Variants in IL1RL1 observed in about 807,000 individuals in gnomAD.
The protein encoded by IL1RL1 is interleukin 1 receptor like 1.
Under a neutral mutation model 50.9 loss-of-function variants are expected in IL1RL1, and 32 were observed. That is an observed-to-expected ratio of 0.63 (90% confidence interval 0.47 to 0.84). The LOEUF (loss-of-function observed/expected upper bound fraction) is 0.84. Ranked by LOEUF, IL1RL1 falls within the 40% of genes least tolerant of loss-of-function variation. IL1RL1 has a pLI of 0.00. For missense variants in IL1RL1, 773 were observed against 662.9 expected (o/e 1.17, Z -1.82); for synonymous variants, 275 against 236.0 (o/e 1.17, Z -1.51).
At chr2:102,342,349 G>T in intron 6 of IL1RL1, 55 bp downstream of exon 6, 1 of 1,250,012 alleles carries the variant, frequency 8.0e-7, no homozygotes, top group South Asian at 1.2e-5. Flanking sequence ...CCTTCCATAT[G>T]ACCCCTGTTC....
chr2:102,330,854 T>C (rs981094040), intron 1 of IL1RL1, among the ~76,000 whole-genome samples: 1 of 152,208 alleles, frequency 6.6e-6, no homozygotes, highest in African/African-American at 2.4e-5. Flanking sequence ...GATTTTTGTA[T>C]CCATTTAAAA....
Position 102,311,918 on chromosome 2 carries a change from T to TTATATAATATATATTATATATAATATTA in IL1RL1, c.-150+350_-150+377dup, listed in dbSNP as rs1405331355. 2.9e-3 allele frequency among the ~76,000 whole-genome samples: 101 copies of TTATATAATATATATTATATATAATATTA among 34,832 alleles called. 4 individuals carry two copies. The highest frequency in any genetic ancestry group is 4.4e-3 in the African/African-American group (30 of 6,870). 22.9% of individuals were successfully genotyped at this position (34,832 alleles called of 152,430 possible). A position where few individuals can be genotyped will look rare whatever the true frequency, so the allele number is the denominator to read the frequency against. The stretch of plus-strand genomic sequence containing the variant: ...TATATCATATATGTTATATATTTTA[T>TTATATAATATATATTATATATAATATTA]TATATAATATATATTATATATAATA... On this transcript the variant is annotated intron_variant, in intron 1 of 10. Transcript: ENST00000233954.
At chr2:102,344,334 C>T (rs1394015295) in intron 8 of IL1RL1, 5 of 891,308 alleles carry the variant, frequency 5.6e-6, no homozygotes, top group African/African-American at 1.8e-5. Context: ...AACACAGACC[C>T]AAACCATACC....
At chr2:102,314,402 G>T (rs1310501299) in intron 1 of IL1RL1, among the ~76,000 whole-genome samples, 5 of 152,198 alleles carry the variant, frequency 3.3e-5, no homozygotes, top group African/African-American at 1.2e-4. Context: ...AGTTGGGTGT[G>T]TCTGAGCCCT....
chr2:102,312,006 T>A (rs1302404820), intron 1 of IL1RL1, among the ~76,000 whole-genome samples: 1 of 22,062 alleles, frequency 4.5e-5, no homozygotes, highest in Non-Finnish European at 7.3e-5. Context: ...AATATATTTA[T>A]ATATATTATA....
chr2:102,327,726 C>T (rs1274809840), intron 1 of IL1RL1, among the ~76,000 whole-genome samples: 1 of 152,160 alleles, frequency 6.6e-6, no homozygotes, highest in Non-Finnish European at 1.5e-5. Context: ...ACTATAAACA[C>T]CTCTATGCAA....
intron 1 of IL1RL1, among the ~76,000 whole-genome samples, chr2:102,315,335 C>G (rs989785180): frequency 2.0e-5 from 3 of 152,176 alleles, no homozygotes; most frequent in African/African-American, 7.2e-5. Context: ...CCTCTTCACT[C>G]TGGGGCATTA....
intron 1 of IL1RL1, among the ~76,000 whole-genome samples, chr2:102,326,350 A>T (rs1676997900): frequency 6.6e-6 from 1 of 152,202 alleles, no homozygotes; most frequent in Non-Finnish European, 1.5e-5. Flanking sequence ...CTCCTGAAGG[A>T]AGCACTAAAC....
At chr2:102,336,623 T>G (rs1435395496) in intron 1 of IL1RL1, among the ~76,000 whole-genome samples, 2 of 152,070 alleles carry the variant, frequency 1.3e-5, no homozygotes, top group African/African-American at 4.8e-5. Flanking sequence ...TCACTCCCCT[T>G]GAGGGAAGCT....
Position 102,343,347 on chromosome 2 carries a change from A to G in IL1RL1, c.902A>G (p.Tyr301Cys). 6.2e-7 allele frequency: 1 copy of G among 1,614,220 alleles called. No individual in the cohort carries two copies. Among genetic ancestry groups the G allele is most frequent in the African/African-American group, 1.3e-5 (1 of 75,064 alleles). The change falls in exon 8 of 11, where the codon TAC (tyrosine) becomes TGC (cysteine). Residue 301 changes from tyrosine to cysteine, a missense_variant. Transcript: ENST00000233954. Reference protein sequence around the residue: ...DVKEEDLLLQYDCLALNLHGL... With the variant: ...DVKEEDLLLQCDCLALNLHGL... ...AAGGAAGAGGATTTATTGCTGCAGTACGACTGTCTGGCCCTGAATTTGCAT... is the reference window on the plus strand; with the variant it reads ...AAGGAAGAGGATTTATTGCTGCAGTGCGACTGTCTGGCCCTGAATTTGCAT...
chr2:102,347,805 A>T, intron 8 of IL1RL1, 140 bp from the exon 9 acceptor site: 1 of 590,984 alleles, frequency 1.7e-6, no homozygotes, highest in Admixed American at 2.8e-5. Flanking sequence ...CTGTCCTGGT[A>T]CTTAAAGCAG....
intron 6 of IL1RL1, among the ~76,000 whole-genome samples, chr2:102,342,620 G>A (rs13016771): frequency 0.12 from 18,970 of 152,128 alleles, 1,476 homozygotes; most frequent in Middle Eastern, 0.32. Flanking sequence ...AGCCAGATCC[G>A]GTAAAACATG....
chr2:102,313,638 T>C (rs1676585950), intron 1 of IL1RL1, among the ~76,000 whole-genome samples: 1 of 152,194 alleles, frequency 6.6e-6, no homozygotes, highest in African/African-American at 2.4e-5. Flanking sequence ...CCTCCATACT[T>C]CCTGGTTTTC....
At chr2:102,312,072 T>C (rs1334334831) in intron 1 of IL1RL1, among the ~76,000 whole-genome samples, 1 of 102,656 alleles carries the variant, frequency 9.7e-6, no homozygotes. Flanking sequence ...ACATTATTGT[T>C]ATAATGTTAT....
In IL1RL1 at chr2:102,340,717, G is replaced by C; in HGVS notation, c.499G>C (p.Val167Leu). Residue 167 changes from valine to leucine, a missense_variant, in exon 5 of 11, where the codon GTC becomes CTC. Physicochemically the swap from Val to Leu is conservative, Grantham distance 32. Transcript: ENST00000233954. ...GTACAGGGCGCACAAGTCATTTTTG[G>C]TCATTGATAATGTGATGACTGAGGA... ...SRYRAHKSFL[V>L]IDNVMTEDAG... 2.5e-6 allele frequency: 4 copies of C among 1,600,028 alleles called. No homozygotes were observed. The highest frequency in any genetic ancestry group is 3.4e-6 in the Non-Finnish European group (4 of 1,176,078).
rs1470410507 is a variant in IL1RL1, at chr2:102,352,031, A to T, written c.*110A>T. The T allele has an allele frequency of 6.3e-6, 7 of 1,118,408 alleles. No individual in the cohort carries two copies. The highest frequency in any genetic ancestry group is 2.4e-5 in the Admixed American group (1 of 41,764). 69.3% of individuals were successfully genotyped at this position (1,118,408 alleles called of 1,614,324 possible). A position where few individuals can be genotyped will look rare whatever the true frequency, so the allele number is the denominator to read the frequency against. On this transcript the variant is annotated 3_prime_UTR_variant, in exon 11 of 11. Transcript: ENST00000233954. ...AGGAGCAGGAATATTAAAGGGATTCAGGCCTCAGGTTTCATCTGGTAACTT... is the reference window on the plus strand; with the variant it reads ...AGGAGCAGGAATATTAAAGGGATTCTGGCCTCAGGTTTCATCTGGTAACTT...
At chr2:102,336,112 A>C (rs1677317631) in intron 1 of IL1RL1, among the ~76,000 whole-genome samples, 1 of 152,194 alleles carries the variant, frequency 6.6e-6, no homozygotes, top group African/African-American at 2.4e-5. Flanking sequence ...CGCTGGCTCA[A>C]AAAACGTACT....
At chr2:102,336,412 A>C (rs1677328467) in intron 1 of IL1RL1, among the ~76,000 whole-genome samples, 1 of 152,204 alleles carries the variant, frequency 6.6e-6, no homozygotes, top group African/African-American at 2.4e-5. Context: ...GGACATTCTA[A>C]AGAAAAGTTA....
chr2:102,330,417 C>T (rs1476241955), intron 1 of IL1RL1, among the ~76,000 whole-genome samples: 1 of 152,136 alleles, frequency 6.6e-6, no homozygotes, highest in African/African-American at 2.4e-5. Context: ...GTGCAATACA[C>T]AAACATGGCA....
Sources: gnomAD v4.1 joint callset for allele counts (sites outside exome capture counted in the v4.1 genomes callset) on GRCh38, gnomAD v4.1.1 for gene constraint, MANE v1.5 for transcripts, NCBI Gene and HGNC (gene_info 2026-07-23, HGNC 2026-07-21) for gene names.